Variants in PSG4 observed in about 807,000 individuals in gnomAD.
The protein encoded by PSG4 is pregnancy-specific beta-1-glycoprotein 4.
PSG4 carries 61 observed loss-of-function variants against 44.3 expected under a neutral mutation model. That is an observed-to-expected ratio of 1.38 (90% confidence interval 1.12 to 1.70). PSG4 has a LOEUF of 1.70. PSG4 is among the 40% of genes most tolerant of loss of function. The pLI is 0.00. For synonymous variants in PSG4, 248 were observed against 191.3 expected (o/e 1.30, Z -2.45); for missense variants, 677 against 511.7 (o/e 1.32, Z -3.12).
chr19:43,203,691 G>T lies in PSG4; in HGVS notation c.430+195C>A, dbSNP rs1332688828. The T allele has an allele frequency of 6.1e-5, 64 of 1,057,638 alleles. 8 individuals are homozygous for T. The East Asian group carries it at 2.4e-3, about 39-fold the overall frequency. The allele number at this position is 1,057,638 out of a possible 1,614,324, so 65.5% of individuals were successfully genotyped here. A position where few individuals can be genotyped will look rare whatever the true frequency, so the allele number is the denominator to read the frequency against. ...TTCCTCTGCAGCGAGTGTCTGCAGG[G>T]TCTGAATGCGGGAAAGGAATTCTGA... On this transcript the variant is annotated intron_variant, in intron 2 of 5. Coordinates refer to ENST00000405312, the MANE Select transcript of PSG4 (RefSeq NM_002780.5).
rs1967112216 is a variant in PSG4, at chr19:43,193,878, A to G, written c.1243+462T>C. ...CAAATATGTGTATTACCATAAACATATCAATACTCATGAATAGTTGCCCAA... is the reference window on the plus strand; with the variant it reads ...CAAATATGTGTATTACCATAAACATGTCAATACTCATGAATAGTTGCCCAA... On this transcript the variant is annotated intron_variant, in intron 5 of 5. Transcript: ENST00000405312. 74 of 668,500 alleles carry G rather than the reference A, an allele frequency of 1.1e-4. 1 individual carries two copies. The South Asian group carries it at 1.2e-3, about 11-fold the overall frequency. 41.4% of individuals were successfully genotyped at this position (668,500 alleles called of 1,614,324 possible).
chr19:43,194,646 G>A (rs758648317), intron 4 of PSG4, 52 bp from the exon 5 acceptor site: 4 of 1,572,258 alleles, frequency 2.5e-6, no homozygotes, highest in Admixed American at 1.8e-5. Flanking sequence ...GGAAGGGGAT[G>A]TTCCTGGTCT....
Position 43,194,751 on chromosome 19 carries a change from A to C in PSG4, c.989-157T>G, listed in dbSNP as rs1009138910. The C allele has an allele frequency of 8.1e-5, 115 of 1,427,554 alleles. 1 individual carries two copies. Among genetic ancestry groups the C allele is most frequent in the South Asian group, 1.4e-4 (10 of 70,560 alleles). 88.4% of individuals were successfully genotyped at this position (1,427,554 alleles called of 1,614,324 possible). On this transcript the variant is annotated intron_variant, in intron 4 of 5. Transcript: ENST00000405312. ...CACTGAGCCGAAGCCTGAGGTATTC[A>C]CCTGTTTCTCCCATCACAAGTTTTA...
At position 43,198,621 on chromosome 19, in the gene PSG4, G is replaced by T. The variant is rs56829236; in HGVS notation, c.431-346C>A. 292 of 290,254 alleles carry T rather than the reference G, an allele frequency of 1.0e-3. 45 individuals are homozygous for T. The highest frequency in any genetic ancestry group is 6.5e-3 in the African/African-American group (277 of 42,856). The allele number at this position is 290,254 out of a possible 1,614,324, so 18.0% of individuals were successfully genotyped here. A position where few individuals can be genotyped will look rare whatever the true frequency, so the allele number is the denominator to read the frequency against. On this transcript the variant is annotated intron_variant, in intron 2 of 5. Transcript: ENST00000405312. Reference sequence around the variant, plus strand: ...ACCTTGTGGTCCTCACTTGGAGCATGCAGTGCTGGAATCTTCTTAGTTTCA... The same window carrying T: ...ACCTTGTGGTCCTCACTTGGAGCATTCAGTGCTGGAATCTTCTTAGTTTCA...
Position 43,198,352 on chromosome 19 carries a change from G to A in PSG4, c.431-77C>T. The A allele has an allele frequency of 2.0e-6, 3 of 1,525,076 alleles. 1 individual carries two copies. Among genetic ancestry groups the A allele is most frequent in the Admixed American group, 2.0e-5 (1 of 51,106 alleles). 94.5% of individuals were successfully genotyped at this position (1,525,076 alleles called of 1,614,324 possible). A position where few individuals can be genotyped will look rare whatever the true frequency, so the allele number is the denominator to read the frequency against. Reference sequence around the variant, plus strand: ...CAAAGGCATTTTTCAATCAGAGTTGGCATTTCCCACCTCTCAGCCCACCCA... The same window carrying A: ...CAAAGGCATTTTTCAATCAGAGTTGACATTTCCCACCTCTCAGCCCACCCA... On this transcript the variant is annotated intron_variant, in intron 2 of 5. Coordinates refer to ENST00000405312, the MANE Select transcript of PSG4 (RefSeq NM_002780.5).
chr19:43,193,165 G>T lies in PSG4; in HGVS notation c.*207C>A, dbSNP rs1136228. 1.4e-6 allele frequency: 1 copy of T among 722,508 alleles called. No individual in the cohort carries two copies. The highest frequency in any genetic ancestry group is 2.5e-6 in the Non-Finnish European group (1 of 394,710). 44.8% of individuals were successfully genotyped at this position (722,508 alleles called of 1,614,324 possible). On this transcript the variant is annotated 3_prime_UTR_variant, in exon 6 of 6. Transcript: ENST00000405312. ...GTCCACAGTGTGAAGTCATCAACTT[G>T]TTATCCTGGTTTACAGTTTGAGTAG...
intron 3 of PSG4, among the ~76,000 whole-genome samples, chr19:43,196,238 T>C (rs1211310396): frequency 1.3e-5 from 2 of 151,590 alleles, no homozygotes; most frequent in African/African-American, 4.9e-5. Flanking sequence ...TCTGATTCCC[T>C]GGGTTCGACT....
At chr19:43,198,609 C>T (rs1334411811) in intron 2 of PSG4, 2 of 321,134 alleles carry the variant, frequency 6.2e-6, no homozygotes, top group Non-Finnish European at 1.1e-5. Context: ...TTGTGGTCCT[C>T]ACTTGGAGCA....
Position 43,193,279 on chromosome 19 carries a change from G to A in PSG4, c.*93C>T. ...TTTCCCATGAAATTTACATCGAGTT[G>A]TCCACCTCCAGCTTATAGGGCTTCT... On this transcript the variant is annotated 3_prime_UTR_variant, in exon 6 of 6. Coordinates refer to ENST00000405312, the MANE Select transcript of PSG4 (RefSeq NM_002780.5). 1 of 770,786 alleles carries A rather than the reference G, an allele frequency of 1.3e-6. No homozygotes were observed. The allele number at this position is 770,786 out of a possible 1,614,324, so 47.7% of individuals were successfully genotyped here.
intron 3 of PSG4, among the ~76,000 whole-genome samples, chr19:43,195,658 G>GC (rs1462286400): frequency 1.3e-5 from 2 of 151,310 alleles, no homozygotes; most frequent in East Asian, 3.9e-4. Flanking sequence ...ATCCTCCTTT[G>GC]CCCCCCTAGA....
intron 2 of PSG4, among the ~76,000 whole-genome samples, chr19:43,200,578 A>T (rs1446197460): frequency 1.4e-5 from 1 of 73,832 alleles, no homozygotes; most frequent in Non-Finnish European, 2.4e-5. Flanking sequence ...CATTTCTCTA[A>T]CAGCATTTTT....
At position 43,198,074 on chromosome 19, in the gene PSG4, A is replaced by G. The variant is rs532667133; in HGVS notation, c.632T>C (p.Ile211Thr). Residue 211 changes from isoleucine to threonine, a missense_variant, in exon 3 of 6, where the codon ATT becomes ACT. Coordinates refer to ENST00000405312, the MANE Select transcript of PSG4 (RefSeq NM_002780.5). ...TATTTCACATTCATAGGGTCCTGCA[A>G]TATACTTTGTGACACCAAATATAAA... The part of the protein sequence containing the change: ...TLFIFGVTKY[I>T]AGPYECEIRN... 3.8e-5 allele frequency: 60 copies of G among 1,587,798 alleles called. 7 individuals are homozygous for G. The African/African-American group carries it at 6.2e-4, about 16-fold the overall frequency.
At chr19:43,196,579 A>G (rs1479132689) in intron 3 of PSG4, 1 of 151,616 alleles carries the variant, frequency 6.6e-6, no homozygotes, top group Non-Finnish European at 1.5e-5. Context: ...TTTCAGCATC[A>G]GATTAGTAGG....
At position 43,199,510 on chromosome 19, in the gene PSG4, G is replaced by GGCCC. The variant is rs557649290; in HGVS notation, c.431-1236_431-1235insGGGC. 2.7e-4 allele frequency among the ~76,000 whole-genome samples: 40 copies of GGCCC among 145,628 alleles called. 13 individuals are homozygous for GGCCC. In the East Asian group the frequency reaches 9.4e-3, roughly 34 times the overall value. ...TGGAATATTTGCAGTACATGTACTGGTTTAGCATCCCAAATCTGAAAAATT... is the reference window on the plus strand; with the variant it reads ...TGGAATATTTGCAGTACATGTACTGGGCCCTTTAGCATCCCAAATCTGAAAAATT... On this transcript the variant is annotated intron_variant, in intron 2 of 5. Coordinates refer to ENST00000405312, the MANE Select transcript of PSG4 (RefSeq NM_002780.5).
chr19:43,205,293 G>C (rs1316427729), intron 1 of PSG4, among the ~76,000 whole-genome samples, 180 bp downstream of exon 1: 3 of 142,532 alleles, frequency 2.1e-5, no homozygotes, highest in Admixed American at 6.9e-5. Context: ...GTTTTTAGTA[G>C]AGACAGGGCT....
chr19:43,204,290 A>G (rs776851072), intron 1 of PSG4, 39 bp from the exon 2 acceptor site: 3 of 1,525,176 alleles, frequency 2.0e-6, no homozygotes, highest in Non-Finnish European at 2.6e-6. Context: ...ATTGAGACCT[A>G]TGTATTGGGG....
chr19:43,205,411 G>A (rs1967738852), intron 1 of PSG4, 62 bp downstream of exon 1: 4 of 1,466,064 alleles, frequency 2.7e-6, no homozygotes, highest in Admixed American at 3.6e-5. Context: ...TCCTCTCCAG[G>A]AGACCCCATC....
rs1246163902 is a variant in PSG4, at chr19:43,204,926, A to G, written c.64+547T>C. 11 of 313,048 alleles carry G rather than the reference A, an allele frequency of 3.5e-5. 1 individual carries two copies. The highest frequency in any genetic ancestry group is 6.1e-5 in the Non-Finnish European group (10 of 164,292). The allele number at this position is 313,048 out of a possible 1,614,324, so 19.4% of individuals were successfully genotyped here. A position where few individuals can be genotyped will look rare whatever the true frequency, so the allele number is the denominator to read the frequency against. On this transcript the variant is annotated intron_variant, in intron 1 of 5. Transcript: ENST00000405312. ...GTCATCTGATATAGTTATTGTTATC[A>G]TTTTTCAAAATATGGTGGCCCCTGA...
At chr19:43,194,895 G>C in intron 4 of PSG4, 100 bp downstream of exon 4, 2 of 1,554,670 alleles carry the variant, frequency 1.3e-6, no homozygotes, top group Non-Finnish European at 1.7e-6. Flanking sequence ...CAGAAGTAAA[G>C]GTGTCTATAC....
Sources: allele counts gnomAD v4.1 joint callset (sites outside exome capture counted in the v4.1 genomes callset), GRCh38; gene constraint gnomAD v4.1.1; transcripts MANE v1.5; gene names NCBI Gene and HGNC (gene_info 2026-07-23, HGNC 2026-07-21).